ZDHHC3: variants seen among roughly 807,000 people sequenced by gnomAD.
ZDHHC3 encodes palmitoyltransferase ZDHHC3.
A neutral mutation model predicts 30.6 loss-of-function variants in ZDHHC3; 9 were observed. The ratio of observed to expected loss-of-function variants is 0.29; its 90% CI spans 0.18 to 0.51. ZDHHC3 has a LOEUF of 0.51. Ranked by LOEUF, ZDHHC3 falls within the 20% of genes least tolerant of loss-of-function variation. The probability of loss-of-function intolerance (pLI) is 0.97; values close to 1 mark genes in which losing one functional copy is unlikely to be tolerated. For synonymous variants in ZDHHC3, 136 were observed against 140.2 expected, an observed-to-expected ratio of 0.97 and a Z score of 0.21; for missense variants, 246 against 384.2, an observed-to-expected ratio of 0.64 and a Z score of 3.01.
chr3:44,966,452 C>G (rs1704959261), intron 1 of ZDHHC3, among the ~76,000 whole-genome samples: 1 of 152,190 alleles, frequency 6.6e-6, no homozygotes, highest in South Asian at 2.1e-4. Context: ...AAAATGTCCA[C>G]TGAAAGAGGG....
chr3:44,958,758 G>T, intron 2 of ZDHHC3: 1 of 1,254,588 alleles, frequency 8.0e-7, no homozygotes, highest in South Asian at 1.3e-5. Context: ...GCCCAATCCT[G>T]ACCCAACCCT....
chr3:44,962,332 T>C (rs1704546928), intron 1 of ZDHHC3, among the ~76,000 whole-genome samples: 2 of 152,314 alleles, frequency 1.3e-5, no homozygotes, highest in African/African-American at 2.4e-5. Context: ...TTTATGACAA[T>C]GATTCGACTA....
In ZDHHC3 at chr3:44,924,676, A is replaced by G; in HGVS notation, c.*2013T>C. ...ATGCCCTGGAAGATGGAGTATTACC[A>G]ATCTCTTCCCCCTAGGGGAGGGCCA... On this transcript the variant is annotated 3_prime_UTR_variant, in exon 7 of 7. Coordinates refer to ENST00000424952, the MANE Select transcript of ZDHHC3 (RefSeq NM_001135179.2). 1 of 985,446 alleles carries G rather than the reference A, an allele frequency of 1.0e-6. No individual in the cohort carries two copies. Among genetic ancestry groups the G allele is most frequent in the Non-Finnish European group, 1.2e-6 (1 of 829,938 alleles). 61.0% of individuals were successfully genotyped at this position (985,446 alleles called of 1,614,324 possible). A position where few individuals can be genotyped will look rare whatever the true frequency, so the allele number is the denominator to read the frequency against.
chr3:44,932,465 A>G (rs1447564858), intron 5 of ZDHHC3, among the ~76,000 whole-genome samples: 1 of 152,254 alleles, frequency 6.6e-6, no homozygotes, highest in African/African-American at 2.4e-5. Context: ...TGAGTATGAA[A>G]GAGCCAGCCC....
Position 44,926,159 on chromosome 3 carries a change from G to T in ZDHHC3, c.*530C>A. The T allele has an allele frequency of 2.0e-6, 2 of 985,748 alleles. No individual in the cohort carries two copies. The highest frequency in any genetic ancestry group is 2.4e-6 in the Non-Finnish European group (2 of 830,030). 61.1% of individuals were successfully genotyped at this position (985,748 alleles called of 1,614,324 possible). On this transcript the variant is annotated 3_prime_UTR_variant, in exon 7 of 7. Transcript: ENST00000424952. The stretch of plus-strand genomic sequence containing the variant: ...CCGTGTCCACTTGGGGGATGAGGTC[G>T]CTGTGCCAAGGTCCCTTCTGATCCT...
At chr3:44,971,615 A>C (rs1474034702) in intron 1 of ZDHHC3, among the ~76,000 whole-genome samples, 1 of 152,204 alleles carries the variant, frequency 6.6e-6, no homozygotes, top group African/African-American at 2.4e-5. Context: ...GTGTGTGTTT[A>C]AATATTTCTA....
chr3:44,960,615 C>T (rs1463367072), intron 1 of ZDHHC3, among the ~76,000 whole-genome samples: 1 of 152,226 alleles, frequency 6.6e-6, no homozygotes, highest in Non-Finnish European at 1.5e-5. Flanking sequence ...GCATCACCAA[C>T]CAGGTTTCTC....
chr3:44,964,970 G>C (rs990255544), intron 1 of ZDHHC3, among the ~76,000 whole-genome samples: 2 of 152,130 alleles, frequency 1.3e-5, no homozygotes, highest in Admixed American at 1.3e-4. Flanking sequence ...ACTAAGCCTG[G>C]GGAGGGGCGG....
In ZDHHC3 at chr3:44,976,048, C is replaced by T. The variant is rs137904515; in HGVS notation, c.-140G>A. Reference sequence around the variant, plus strand: ...ACCCGGCCTCGGGCTTCGGCGATGGCTCCTCGGAACGAGGCGCCGCGGCTC... The same window carrying T: ...ACCCGGCCTCGGGCTTCGGCGATGGTTCCTCGGAACGAGGCGCCGCGGCTC... On this transcript the variant is annotated 5_prime_UTR_variant, in exon 1 of 7. Coordinates refer to ENST00000424952, the MANE Select transcript of ZDHHC3 (RefSeq NM_001135179.2). The T allele has an allele frequency of 2.5e-6, 1 of 406,762 alleles. No homozygotes were observed. Among genetic ancestry groups the T allele is most frequent in the Non-Finnish European group, 4.3e-6 (1 of 231,136 alleles). The allele number at this position is 406,762 out of a possible 1,614,324, so 25.2% of individuals were successfully genotyped here.
In ZDHHC3 at chr3:44,924,857, C is replaced by T. The variant is rs1164277529; in HGVS notation, c.*1832G>A. The T allele has an allele frequency of 3.0e-6, 3 of 985,410 alleles. No homozygotes were observed. The highest frequency in any genetic ancestry group is 3.6e-6 in the Non-Finnish European group (3 of 829,936). 61.0% of individuals were successfully genotyped at this position (985,410 alleles called of 1,614,324 possible). ...ATTCTTTTCTTTTTAATCTTAGCAT[C>T]TCAGCCTCGCCCGTATCGCATGAAT... On this transcript the variant is annotated 3_prime_UTR_variant, in exon 7 of 7. Coordinates refer to ENST00000424952, the MANE Select transcript of ZDHHC3 (RefSeq NM_001135179.2).
intron 1 of ZDHHC3, among the ~76,000 whole-genome samples, chr3:44,964,764 A>G (rs985869333): frequency 3.3e-5 from 5 of 152,232 alleles, no homozygotes; most frequent in Admixed American, 3.3e-4. Context: ...CTAAGTGGCT[A>G]ATAGTTTTCC....
rs1700924781 is a variant in ZDHHC3 at position 44,925,684 on chromosome 3, A to G, written c.*1005T>C. 2 of 985,494 alleles carry G rather than the reference A, an allele frequency of 2.0e-6. No individual in the cohort carries two copies. Among genetic ancestry groups the G allele is most frequent in the Non-Finnish European group, 2.4e-6 (2 of 829,950 alleles). The allele number at this position is 985,494 out of a possible 1,614,324, so 61.0% of individuals were successfully genotyped here. A position where few individuals can be genotyped will look rare whatever the true frequency, so the allele number is the denominator to read the frequency against. ...AACAGTCTCCCAGGTTAAAATATAG[A>G]TAAGACACAGGTACGTGCACATTTA... On this transcript the variant is annotated 3_prime_UTR_variant, in exon 7 of 7. Transcript: ENST00000424952.
At chr3:44,971,404 T>C (rs1049997918) in intron 1 of ZDHHC3, among the ~76,000 whole-genome samples, 1 of 152,230 alleles carries the variant, frequency 6.6e-6, no homozygotes, top group South Asian at 2.1e-4. Context: ...ACCTTCACAG[T>C]TGACAGCCAT....
At position 44,937,069 on chromosome 3, in the gene ZDHHC3, TG is replaced by T. The variant is rs753812059; in HGVS notation, c.432-3086del. On this transcript the variant is annotated intron_variant, in intron 3 of 6. Coordinates refer to ENST00000424952, the MANE Select transcript of ZDHHC3 (RefSeq NM_001135179.2). ...AATTCTAGTCTCCTTTTTATTATTT[TG>T]GGGGCATTATTTGTTCAAAACAGGT... 1.6e-4 allele frequency among the ~76,000 whole-genome samples: 24 copies of T among 152,290 alleles called. No homozygotes were observed. In the East Asian group the frequency reaches 2.3e-3, roughly 15 times the overall value.
intron 3 of ZDHHC3, among the ~76,000 whole-genome samples, chr3:44,935,821 G>A (rs1701914239): frequency 6.6e-6 from 1 of 152,144 alleles, no homozygotes; most frequent in Non-Finnish European, 1.5e-5. Context: ...TATGCAGAAG[G>A]TTGATGCTGG....
At chr3:44,953,460 GT>G (rs1319490483) in intron 2 of ZDHHC3, among the ~76,000 whole-genome samples, 1 of 152,198 alleles carries the variant, frequency 6.6e-6, no homozygotes, top group Non-Finnish European at 1.5e-5. Context: ...ACAATGGAAA[GT>G]AGTGGAGACA....
rs73829697 is a variant in ZDHHC3 at position 44,956,743 on chromosome 3, G to A, written c.306+2388C>T. On this transcript the variant is annotated intron_variant, in intron 2 of 6. Transcript: ENST00000424952. ...GTCCGAGCCACACCATGTCTTGCCC[G>A]GACCACTGCAATACCTCTAGTCCCC... is the stretch of plus-strand genomic sequence containing the variant. Among the ~76,000 whole-genome samples the A allele has an allele frequency of 6.3e-3, 955 of 152,110 alleles. 12 individuals are homozygous for A. The highest frequency in any genetic ancestry group is 0.022 in the African/African-American group (893 of 41,496).
chr3:44,950,727 A>G (rs1015468696), intron 2 of ZDHHC3, among the ~76,000 whole-genome samples: 1 of 152,144 alleles, frequency 6.6e-6, no homozygotes, highest in Non-Finnish European at 1.5e-5. Context: ...TTTAAAATGC[A>G]TATTATGCTC....
At chr3:44,958,921 G>C (rs953673380) in intron 2 of ZDHHC3, among the ~76,000 whole-genome samples, 1 of 152,204 alleles carries the variant, frequency 6.6e-6, no homozygotes, top group African/African-American at 2.4e-5. Context: ...ATTTAACCAA[G>C]ACAGATAGGC....
Sources: gnomAD v4.1 joint callset for allele counts (sites outside exome capture counted in the v4.1 genomes callset) on GRCh38, gnomAD v4.1.1 for gene constraint, MANE v1.5 for transcripts, NCBI Gene and HGNC (gene_info 2026-07-23, HGNC 2026-07-21) for gene names.